TACR3: variants seen among roughly 807,000 people sequenced by gnomAD.
The protein encoded by TACR3 is tachykinin receptor 3.
TACR3 carries 34 observed loss-of-function variants against 35.0 expected under a neutral mutation model. The observed-to-expected ratio is 0.97, with a 90% CI of 0.74 to 1.30. The LOEUF is 1.30. TACR3 is among the 50% of genes most tolerant of loss of function. The pLI is 0.00. For missense variants in TACR3, 558 were observed against 591.7 expected (o/e 0.94, Z 0.59); for synonymous variants, 233 against 221.1 (o/e 1.05, Z -0.48).
Position 103,718,840 on chromosome 4 carries a change from C to T in TACR3, c.548+288G>A, listed in dbSNP as rs73838916. ...AACGTTTCTAGCTAAGTTTGCCCTACTTGGAAGGGCATTTTCACCTGTCCC... is the reference window on the plus strand; with the variant it reads ...AACGTTTCTAGCTAAGTTTGCCCTATTTGGAAGGGCATTTTCACCTGTCCC... On this transcript the variant is annotated intron_variant, in intron 1 of 4. Coordinates refer to ENST00000304883, the MANE Select transcript of TACR3 (RefSeq NM_001059.3). Among the ~76,000 whole-genome samples the T allele has an allele frequency of 0.042, 6,465 of 152,206 alleles. 454 individuals carry two copies. The highest frequency in any genetic ancestry group is 0.15 in the African/African-American group (6,137 of 41,508).
intron 1 of TACR3, among the ~76,000 whole-genome samples, chr4:103,713,773 T>A (rs542085375): frequency 3.0e-4 from 46 of 152,190 alleles, no homozygotes; most frequent in African/African-American, 1.1e-3. Flanking sequence ...CAGAACTTAG[T>A]ATAAAGCAAC....
chr4:103,671,789 G>A (rs900384931), intron 1 of TACR3, among the ~76,000 whole-genome samples: 1 of 151,606 alleles, frequency 6.6e-6, no homozygotes, highest in South Asian at 2.1e-4. Flanking sequence ...TTCCCTCTTA[G>A]TCCTGCTTTT....
chr4:103,635,578 C>A (rs2110315128), intron 3 of TACR3, among the ~76,000 whole-genome samples: 1 of 152,124 alleles, frequency 6.6e-6, no homozygotes, highest in African/African-American at 2.4e-5. Context: ...AACTTTGGCT[C>A]TAACCAAAAT....
intron 3 of TACR3, among the ~76,000 whole-genome samples, chr4:103,617,435 CTCAAA>C (rs1724684628): frequency 6.6e-6 from 1 of 152,118 alleles, no homozygotes; most frequent in Non-Finnish European, 1.5e-5. Flanking sequence ...TTGTTACTAT[CTCAAA>C]TCTTTTTCCA....
intron 1 of TACR3, among the ~76,000 whole-genome samples, chr4:103,710,239 T>C (rs1280561743): frequency 6.6e-6 from 1 of 152,156 alleles, no homozygotes; most frequent in African/African-American, 2.4e-5. Flanking sequence ...TATTCCAAAA[T>C]TGACCACACC....
intron 1 of TACR3, among the ~76,000 whole-genome samples, chr4:103,668,564 T>C (rs1036738709): frequency 2.0e-5 from 3 of 151,982 alleles, no homozygotes; most frequent in Non-Finnish European, 4.4e-5. Context: ...AACAGTTGTT[T>C]CGGCCAGGTG....
chr4:103,709,555 C>G (rs1722887888), intron 1 of TACR3, among the ~76,000 whole-genome samples: 1 of 152,090 alleles, frequency 6.6e-6, no homozygotes, highest in African/African-American at 2.4e-5. Context: ...CAAAAACATG[C>G]CAAATTGTAA....
At chr4:103,660,218 A>T (rs901805400) in intron 1 of TACR3, among the ~76,000 whole-genome samples, 1 of 152,006 alleles carries the variant, frequency 6.6e-6, no homozygotes, top group Admixed American at 6.6e-5. Flanking sequence ...TAAAGAAAAC[A>T]GTCTTAATTC....
chr4:103,713,295 A>T (rs897306194), intron 1 of TACR3, among the ~76,000 whole-genome samples: 5 of 152,096 alleles, frequency 3.3e-5, no homozygotes, highest in Non-Finnish European at 7.4e-5. Flanking sequence ...CTATGCAGCC[A>T]TAAAATATGA....
At chr4:103,659,506 C>T (rs1226922583) in intron 1 of TACR3, among the ~76,000 whole-genome samples, 1 of 152,100 alleles carries the variant, frequency 6.6e-6, no homozygotes, top group Non-Finnish European at 1.5e-5. Context: ...TTAAGAGCAG[C>T]AGGAGATAAG....
intron 1 of TACR3, among the ~76,000 whole-genome samples, chr4:103,704,105 C>CAAAAAAAAAAAAAAAAAA (rs59034473): frequency 6.2e-5 from 4 of 64,612 alleles, no homozygotes; most frequent in Non-Finnish European, 1.1e-4. Context: ...CTCTATCTCA[C>CAAAAAAAAAAAAAAAAAA]AAAAAAAAAA....
chr4:103,622,968 G>A (rs78357965), intron 3 of TACR3, among the ~76,000 whole-genome samples: 3,539 of 152,072 alleles, frequency 0.023, 126 homozygotes, highest in African/African-American at 0.081. Context: ...GAATCAGAGG[G>A]CAAAATTTAA....
At chr4:103,684,889 T>A (rs1215624643) in intron 1 of TACR3, among the ~76,000 whole-genome samples, 1 of 151,528 alleles carries the variant, frequency 6.6e-6, no homozygotes, top group Non-Finnish European at 1.5e-5. Flanking sequence ...CCTGCAGTCC[T>A]AGGAGAATTG....
intron 1 of TACR3, among the ~76,000 whole-genome samples, chr4:103,673,750 G>T (rs1220262410): frequency 2.6e-5 from 4 of 152,150 alleles, no homozygotes; most frequent in African/African-American, 2.4e-5. Context: ...CACAATATCT[G>T]CAAGGTGTAA....
intron 1 of TACR3, among the ~76,000 whole-genome samples, chr4:103,704,465 T>G (rs771052945): frequency 6.6e-6 from 1 of 152,188 alleles, no homozygotes; most frequent in East Asian, 1.9e-4. Flanking sequence ...CTCACAGTTC[T>G]GCATGGCCAG....
intron 3 of TACR3, among the ~76,000 whole-genome samples, chr4:103,638,462 T>C (rs1330478873): frequency 6.6e-6 from 1 of 151,984 alleles, no homozygotes; most frequent in Non-Finnish European, 1.5e-5. Context: ...AAGACTTACA[T>C]GTTCGACCTA....
chr4:103,600,656 T>C (rs926045535), intron 3 of TACR3, among the ~76,000 whole-genome samples: 6 of 152,240 alleles, frequency 3.9e-5, no homozygotes, highest in Non-Finnish European at 7.3e-5. Context: ...TCTGGTATAT[T>C]GTGTCTTTGT....
chr4:103,631,879 T>C (rs1209598185), intron 3 of TACR3, among the ~76,000 whole-genome samples: 1 of 152,190 alleles, frequency 6.6e-6, no homozygotes, highest in Non-Finnish European at 1.5e-5. Context: ...TTGCTTGTGA[T>C]AAAATACTTT....
At chr4:103,617,909 G>T (rs575933311) in intron 3 of TACR3, among the ~76,000 whole-genome samples, 6 of 152,172 alleles carry the variant, frequency 3.9e-5, no homozygotes, top group Non-Finnish European at 7.4e-5. Flanking sequence ...AGGCACCTGG[G>T]GGAAGGTAAT....
Sources: gnomAD v4.1 joint callset for allele counts (sites outside exome capture counted in the v4.1 genomes callset) on GRCh38, gnomAD v4.1.1 for gene constraint, MANE v1.5 for transcripts, NCBI Gene and HGNC (gene_info 2026-07-23, HGNC 2026-07-21) for gene names.